Variants in CDH19 observed in about 807,000 individuals in gnomAD.
CDH19 encodes the protein cadherin 19.
A neutral mutation model predicts 64.2 loss-of-function variants in CDH19; 67 were observed. That is an observed-to-expected ratio of 1.04 (90% CI 0.86 to 1.28). CDH19 has a LOEUF of 1.28. Ranked by LOEUF, CDH19 falls within the 50% of genes most tolerant of loss-of-function variation. CDH19 has a pLI of 0.00. For missense variants in CDH19, 1,030 were observed against 929.0 expected, an observed-to-expected ratio of 1.11 and a Z score of -1.41; for synonymous variants, 346 against 319.3, an observed-to-expected ratio of 1.08 and a Z score of -0.89.
intron 9 of CDH19, among the ~76,000 whole-genome samples, chr18:66,529,172 A>G (rs753112423): frequency 4.6e-5 from 7 of 151,958 alleles, no homozygotes; most frequent in Non-Finnish European, 8.8e-5. Flanking sequence ...GTATGTTCTC[A>G]TAAGTGTTTA....
chr18:66,503,959 T>A lies in CDH19; in HGVS notation c.*853A>T, dbSNP rs1010421149. The A allele has an allele frequency of 6.6e-6, 1 of 151,956 alleles. No homozygotes were observed. The highest frequency in any genetic ancestry group is 1.5e-5 in the Non-Finnish European group (1 of 67,900). 9.4% of individuals were successfully genotyped at this position (151,956 alleles called of 1,614,324 possible). On this transcript the variant is annotated 3_prime_UTR_variant, in exon 12 of 12. Coordinates refer to ENST00000262150, the MANE Select transcript of CDH19 (RefSeq NM_021153.4). ...GTTAAAGTTTTAAAGTTTATCTCTATATAGTATCAGGAACTTAACCACAAA... is the reference window on the plus strand; with the variant it reads ...GTTAAAGTTTTAAAGTTTATCTCTAAATAGTATCAGGAACTTAACCACAAA...
intron 8 of CDH19, 152 bp downstream of exon 8, chr18:66,534,834 C>T (rs538170552): frequency 7.1e-6 from 3 of 425,052 alleles, no homozygotes; most frequent in African/African-American, 6.1e-5. Flanking sequence ...TAAATAAAAA[C>T]TAATAAAATA....
intron 3 of CDH19, among the ~76,000 whole-genome samples, chr18:66,566,539 T>C (rs1342251712): frequency 6.6e-6 from 1 of 151,900 alleles, no homozygotes; most frequent in African/African-American, 2.4e-5. Context: ...TATTACTTCC[T>C]CTTATTCTTC....
chr18:66,581,399 A>G (rs550753164), intron 1 of CDH19, among the ~76,000 whole-genome samples: 13 of 152,194 alleles, frequency 8.5e-5, no homozygotes, highest in South Asian at 6.2e-4. Context: ...GAATCCCTAG[A>G]TAGCTGGTTA....
intron 3 of CDH19, 119 bp from the exon 4 acceptor site, chr18:66,554,643 C>T: frequency 1.5e-6 from 1 of 667,540 alleles, no homozygotes; most frequent in Non-Finnish European, 2.4e-6. Flanking sequence ...GCTCAATTCA[C>T]CTCCTTGTTC....
intron 8 of CDH19, among the ~76,000 whole-genome samples, chr18:66,530,801 AG>A (rs1419791868): frequency 6.6e-6 from 1 of 152,142 alleles, no homozygotes; most frequent in African/African-American, 2.4e-5. Flanking sequence ...TGTGCATTGT[AG>A]GATGCTTAGT....
intron 1 of CDH19, among the ~76,000 whole-genome samples, chr18:66,574,218 A>T (rs1276893573): frequency 1.3e-5 from 2 of 151,568 alleles, no homozygotes; most frequent in African/African-American, 4.8e-5. Flanking sequence ...CTGTTGTGTG[A>T]TTCAGTATGT....
chr18:66,544,265 T>G (rs1399903385), intron 6 of CDH19, 41 bp from the exon 7 acceptor site: 12 of 1,569,426 alleles, frequency 7.6e-6, no homozygotes, highest in Non-Finnish European at 1.0e-5. Flanking sequence ...ATGGCTTTAG[T>G]AACCCAAGAT....
At chr18:66,570,653 T>G (rs1009020462) in intron 2 of CDH19, among the ~76,000 whole-genome samples, 6 of 151,704 alleles carry the variant, frequency 4.0e-5, no homozygotes, top group African/African-American at 1.5e-4. Flanking sequence ...GATTCACTTG[T>G]TTTTTAAGCC....
intron 8 of CDH19, chr18:66,532,669 T>A (rs1259707101): frequency 6.8e-6 from 3 of 441,560 alleles, no homozygotes; most frequent in Non-Finnish European, 1.4e-5. Context: ...ATGGTGACCA[T>A]CTCTTTGAAA....
At chr18:66,581,920 A>T (rs1988432789) in intron 1 of CDH19, among the ~76,000 whole-genome samples, 2 of 152,116 alleles carry the variant, frequency 1.3e-5, no homozygotes. Flanking sequence ...TTAATGTGTT[A>T]ATTACATCCC....
At chr18:66,506,530 A>C (rs1452784876) in intron 11 of CDH19, among the ~76,000 whole-genome samples, 1 of 152,062 alleles carries the variant, frequency 6.6e-6, no homozygotes, top group African/African-American at 2.4e-5. Context: ...CATAAATTTC[A>C]GAAATTTCAA....
chr18:66,583,316 A>G (rs1476571712), intron 1 of CDH19, among the ~76,000 whole-genome samples: 1 of 152,134 alleles, frequency 6.6e-6, no homozygotes, highest in East Asian at 1.9e-4. Flanking sequence ...TGAGAAAAAT[A>G]GGAATAAAAA....
chr18:66,505,176 T>C lies in CDH19; in HGVS notation c.1955A>G (p.Glu652Gly), dbSNP rs1985129294. ...CCTCAGCTCTGCTATATCAAAGGCC[T>C]CTGTATCTTCTTCTCCACCCCCTTC... ...DDEGGGEEDT[E>G]AFDIAELRSS... The change falls in exon 12 of 12, where the codon GAG becomes GGG. Residue 652 changes from glutamate to glycine, a missense_variant. Glu to Gly is a moderately conservative substitution (Grantham distance 98). Transcript: ENST00000262150. The C allele has an allele frequency of 6.2e-7, 1 of 1,613,300 alleles. No individual in the cohort carries two copies. Among genetic ancestry groups the C allele is most frequent in the Non-Finnish European group, 8.5e-7 (1 of 1,179,588 alleles).
chr18:66,584,346 T>C (rs1253528814), intron 1 of CDH19, among the ~76,000 whole-genome samples: 2 of 151,940 alleles, frequency 1.3e-5, no homozygotes, highest in African/African-American at 4.8e-5. Flanking sequence ...AAATAACAGA[T>C]GCTGGTAAGG....
At chr18:66,565,280 T>A (rs1987867027) in intron 3 of CDH19, among the ~76,000 whole-genome samples, 2 of 152,018 alleles carry the variant, frequency 1.3e-5, no homozygotes, top group Non-Finnish European at 2.9e-5. Flanking sequence ...AAGCCCATCA[T>A]TACTTGTAAA....
At chr18:66,560,328 C>T (rs1987674654) in intron 3 of CDH19, among the ~76,000 whole-genome samples, 1 of 152,060 alleles carries the variant, frequency 6.6e-6, no homozygotes, top group Admixed American at 6.6e-5. Context: ...ATCAGGGAAA[C>T]TTTTCAGTAA....
intron 9 of CDH19, among the ~76,000 whole-genome samples, chr18:66,515,745 T>C (rs1485511993): frequency 1.3e-5 from 2 of 151,902 alleles, no homozygotes; most frequent in Non-Finnish European, 2.9e-5. Flanking sequence ...AAAGTTAATA[T>C]TCCAAATATA....
intron 1 of CDH19, among the ~76,000 whole-genome samples, chr18:66,585,591 T>C (rs1012981961): frequency 1.3e-5 from 2 of 152,098 alleles, no homozygotes; most frequent in Non-Finnish European, 2.9e-5. Flanking sequence ...GAGTTAAATG[T>C]TTTTAGTGAG....
Sources: allele counts gnomAD v4.1 joint callset (sites outside exome capture counted in the v4.1 genomes callset), GRCh38; gene constraint gnomAD v4.1.1; transcripts MANE v1.5; gene names NCBI Gene and HGNC (gene_info 2026-07-23, HGNC 2026-07-21).